The following TBX15 variants were observed in gnomAD, a reference collection of about 807,000 sequenced individuals.
TBX15 encodes T-box transcription factor 15, also known as T-box transcription factor TBX15.
In TBX15, 18 loss-of-function variants were observed where a neutral mutation model predicts 53.9. That is an observed-to-expected ratio of 0.33 (90% CI 0.23 to 0.49). TBX15 has a LOEUF of 0.49. Among genes scored for constraint, TBX15 ranks in the 20% least tolerant of loss-of-function variants. The pLI, the probability that TBX15 is intolerant of heterozygous loss-of-function variation, is 0.98. For synonymous variants in TBX15, 295 were observed against 278.0 expected (o/e 1.06, Z -0.61); for missense variants, 692 against 749.5 (o/e 0.92, Z 0.90).
chr1:118,955,407 C>T (rs1223953665), intron 1 of TBX15, among the ~76,000 whole-genome samples: 2 of 152,226 alleles, frequency 1.3e-5, no homozygotes. Context: ...TATCTCCCAT[C>T]TCACATATCC....
intron 1 of TBX15, among the ~76,000 whole-genome samples, chr1:118,970,224 G>A (rs1388281887): frequency 6.6e-6 from 1 of 152,154 alleles, no homozygotes; most frequent in African/African-American, 2.4e-5. Flanking sequence ...CTTTATAGCA[G>A]TGTGAGAATG....
chr1:118,906,848 C>G (rs1437873255), intron 6 of TBX15, among the ~76,000 whole-genome samples: 1 of 152,206 alleles, frequency 6.6e-6, no homozygotes, highest in Non-Finnish European at 1.5e-5. Flanking sequence ...GCTGCAAACA[C>G]TCCAAGAATG....
intron 1 of TBX15, among the ~76,000 whole-genome samples, chr1:118,979,408 T>C (rs1002186259): frequency 6.6e-6 from 1 of 152,102 alleles, no homozygotes; most frequent in Admixed American, 6.5e-5. Context: ...CTACGATATA[T>C]ACTGACCCTA....
chr1:118,900,844 T>C (rs1654605864), intron 6 of TBX15, among the ~76,000 whole-genome samples: 1 of 152,134 alleles, frequency 6.6e-6, no homozygotes, highest in African/African-American at 2.4e-5. Context: ...TGCTTTGTTT[T>C]GGAATGTTGG....
Position 118,923,592 on chromosome 1 carries a change from G to A in TBX15, c.705C>T (p.His235=). The change falls in exon 5 of 8, where the codon CAC becomes CAT. Residue 235 remains histidine (H), a synonymous_variant. Transcript: ENST00000369429. ...ELDDQGHIIL[H]SMHKYQPRVH... The stretch of plus-strand genomic sequence containing the variant: ...CTCGAGGCTGGTATTTGTGCATAGA[G>A]TGCAGAATGATCTGAAATAAAAAGG... 1 of 1,613,832 alleles carries A rather than the reference G, an allele frequency of 6.2e-7. No homozygotes were observed. The highest frequency in any genetic ancestry group is 2.2e-5 in the East Asian group (1 of 44,878).
intron 1 of TBX15, 43 bp downstream of exon 1, chr1:118,987,548 C>G (rs1295885751): frequency 1.3e-6 from 2 of 1,527,866 alleles, no homozygotes; most frequent in African/African-American, 2.8e-5. Flanking sequence ...CCTTCGGCGT[C>G]CCCTCTCCGC....
Position 118,885,262 on chromosome 1 carries a change from C to T in TBX15, c.1279G>A (p.Gly427Ser). 6.2e-7 allele frequency: 1 copy of T among 1,614,100 alleles called. No individual in the cohort carries two copies. The highest frequency in any genetic ancestry group is 8.5e-7 in the Non-Finnish European group (1 of 1,180,024). Residue 427 changes from glycine (G) to serine (S), a missense_variant, in exon 8 of 8, where the codon GGC (glycine) becomes AGC (serine). Around this residue, in one of 3 missense-constraint regions of TBX15, gnomAD observed 375 missense variants for 371.6 expected, o/e 1.01. Coordinates refer to ENST00000369429, the MANE Select transcript of TBX15 (RefSeq NM_001330677.2). Reference sequence around the variant, plus strand: ...GAGGGCTGAGTGGCTGAAGTGGTGCCACTCTGAAGCCTGTTGTAGCCACTG... The same window carrying T: ...GAGGGCTGAGTGGCTGAAGTGGTGCTACTCTGAAGCCTGTTGTAGCCACTG... The part of the protein sequence containing the change: ...SDSGYNRLQS[G>S]TTSATQPSET...
At chr1:118,935,413 CA>C (rs1655939010) in intron 1 of TBX15, among the ~76,000 whole-genome samples, 1 of 152,116 alleles carries the variant, frequency 6.6e-6, no homozygotes, top group Non-Finnish European at 1.5e-5. Flanking sequence ...TTCCTGTCCT[CA>C]AAAAATAGCC....
intron 5 of TBX15, among the ~76,000 whole-genome samples, chr1:118,914,604 T>G (rs1655139452): frequency 6.6e-6 from 1 of 152,206 alleles, no homozygotes. Context: ...AATAATGGAC[T>G]CAGTCAATTC....
At chr1:118,931,541 A>T in intron 2 of TBX15, 78 bp downstream of exon 2, 1 of 1,495,384 alleles carries the variant, frequency 6.7e-7, no homozygotes, top group Non-Finnish European at 9.2e-7. Context: ...ATCACAAATA[A>T]ATAAGAATGG....
intron 1 of TBX15, among the ~76,000 whole-genome samples, chr1:118,963,622 A>G (rs1259370988): frequency 6.6e-6 from 1 of 152,220 alleles, no homozygotes; most frequent in African/African-American, 2.4e-5. Context: ...GAACTATAAA[A>G]TGAAAGCAGA....
intron 3 of TBX15, 137 bp downstream of exon 3, chr1:118,926,373 C>A: frequency 1.2e-6 from 1 of 809,340 alleles, no homozygotes; most frequent in Non-Finnish European, 2.1e-6. Flanking sequence ...GGTGCTCTGC[C>A]ACAGGCCATT....
intron 1 of TBX15, among the ~76,000 whole-genome samples, chr1:118,979,758 G>A (rs1210059520): frequency 6.6e-6 from 1 of 152,194 alleles, no homozygotes; most frequent in Non-Finnish European, 1.5e-5. Context: ...CATCCCTCAG[G>A]GTTCCGGGTC....
intron 1 of TBX15, among the ~76,000 whole-genome samples, chr1:118,967,307 G>A (rs1657064076): frequency 6.6e-6 from 1 of 152,082 alleles, no homozygotes; most frequent in African/African-American, 2.4e-5. Context: ...ACTTAGTCAA[G>A]CATCTAAGTG....
Position 118,939,407 on chromosome 1 carries a change from C to CAAAAAAAAAAAAAAAAAAAAAAAAA in TBX15, c.206-7600_206-7576dup, listed in dbSNP as rs869094141. 1.0e-3 allele frequency among the ~76,000 whole-genome samples: 9 copies of CAAAAAAAAAAAAAAAAAAAAAAAAA among 8,880 alleles called. 2 individuals are homozygous for CAAAAAAAAAAAAAAAAAAAAAAAAA. Among genetic ancestry groups the CAAAAAAAAAAAAAAAAAAAAAAAAA allele is most frequent in the Non-Finnish European group, 1.2e-3 (6 of 4,834 alleles). 5.8% of individuals were successfully genotyped at this position (8,880 alleles called of 152,430 possible). A position where few individuals can be genotyped will look rare whatever the true frequency, so the allele number is the denominator to read the frequency against. Reference sequence around the variant, plus strand: ...AGGGCAACAGAATGAGATCTAGTCTCAAAAAAAAAAAAAAAAAAAAAAAAA... The same window carrying CAAAAAAAAAAAAAAAAAAAAAAAAA: ...AGGGCAACAGAATGAGATCTAGTCTCAAAAAAAAAAAAAAAAAAAAAAAAAAAAAAAAAAAAAAAAAAAAAAAAAA... On this transcript the variant is annotated intron_variant, in intron 1 of 7. Coordinates refer to ENST00000369429, the MANE Select transcript of TBX15 (RefSeq NM_001330677.2).
In TBX15 at chr1:118,987,966, CCCT is replaced by C; in HGVS notation, c.-174_-172del. On this transcript the variant is annotated 5_prime_UTR_variant, in exon 1 of 8. Coordinates refer to ENST00000369429, the MANE Select transcript of TBX15 (RefSeq NM_001330677.2). ...CACCCTCCCCCTGCGTCCTCCTCCGCCCTCCTCTGCCGGATCCGACCTGCGCCC... is the reference window on the plus strand; with the variant it reads ...CACCCTCCCCCTGCGTCCTCCTCCGCCCTCTGCCGGATCCGACCTGCGCCC... 2.5e-6 allele frequency: 2 copies of C among 793,922 alleles called. No individual in the cohort carries two copies. The highest frequency in any genetic ancestry group is 3.9e-6 in the Non-Finnish European group (2 of 511,948). 49.2% of individuals were successfully genotyped at this position (793,922 alleles called of 1,614,324 possible). A position where few individuals can be genotyped will look rare whatever the true frequency, so the allele number is the denominator to read the frequency against.
At chr1:118,937,582 A>G (rs369222453) in intron 1 of TBX15, among the ~76,000 whole-genome samples, 119 of 152,344 alleles carry the variant, frequency 7.8e-4, no homozygotes, top group African/African-American at 2.7e-3. Flanking sequence ...GAAATGTGTA[A>G]GCTGACTGTA....
At chr1:118,968,430 C>A (rs1312182868) in intron 1 of TBX15, among the ~76,000 whole-genome samples, 1 of 152,162 alleles carries the variant, frequency 6.6e-6, no homozygotes, top group Non-Finnish European at 1.5e-5. Context: ...TGGTCTCAAA[C>A]TCCTGACCTC....
At chr1:118,970,385 A>G (rs551443932) in intron 1 of TBX15, among the ~76,000 whole-genome samples, 10 of 152,332 alleles carry the variant, frequency 6.6e-5, no homozygotes, top group Non-Finnish European at 1.3e-4. Context: ...CACTGTGGGC[A>G]TACTAGCTGA....
Sources: gnomAD v4.1 joint callset for allele counts (sites outside exome capture counted in the v4.1 genomes callset) on GRCh38, gnomAD v4.1.1 for gene constraint, gnomAD v4.1.1 regional missense constraint, MANE v1.5 for transcripts, NCBI Gene and HGNC (gene_info 2026-07-23, HGNC 2026-07-21) for gene names.